TENM2: variants seen among roughly 807,000 people sequenced by gnomAD.
TENM2 encodes teneurin-2.
Under a neutral mutation model 245.2 loss-of-function variants are expected in TENM2, and 52 were observed. The ratio of observed to expected loss-of-function variants is 0.21; its 90% CI spans 0.17 to 0.27. The LOEUF (loss-of-function observed/expected upper bound fraction) is 0.27. Ranked by LOEUF, TENM2 falls within the 10% of genes least tolerant of loss-of-function variation. The pLI is 1.00. For missense variants in TENM2, 3,046 were observed against 3,666.8 expected (o/e 0.83, Z 4.37); for synonymous variants, 1,363 against 1,438.9 (o/e 0.95, Z 1.19).
chr5:167,409,397 C>T (rs1231067923), intron 2 of TENM2, among the ~76,000 whole-genome samples: 1 of 151,928 alleles, frequency 6.6e-6, no homozygotes, highest in East Asian at 1.9e-4. Flanking sequence ...GTACAAGGAA[C>T]TTTCATATCC....
chr5:168,228,868 A>G (rs1262984471), intron 25 of TENM2, among the ~76,000 whole-genome samples: 1 of 147,832 alleles, frequency 6.8e-6, no homozygotes, highest in African/African-American at 2.5e-5. Flanking sequence ...TATTATTATA[A>G]TTATTATATA....
chr5:167,390,234 A>T (rs1275321126), intron 2 of TENM2, among the ~76,000 whole-genome samples: 1 of 152,224 alleles, frequency 6.6e-6, no homozygotes, highest in South Asian at 2.1e-4. Context: ...TGTTGCACTG[A>T]CCAAAGAAGA....
chr5:167,790,874 A>G (rs1047582648), intron 2 of TENM2, among the ~76,000 whole-genome samples: 2 of 152,194 alleles, frequency 1.3e-5, no homozygotes, highest in Non-Finnish European at 2.9e-5. Context: ...TGCTTTCTAC[A>G]TTGAATACAA....
chr5:167,095,613 A>G, the TENM2 span, among the ~76,000 whole-genome samples: 1 of 152,156 alleles, frequency 6.6e-6, no homozygotes, highest in Admixed American at 6.5e-5. Flanking sequence ...TATTTTTTAA[A>G]TGAACTCACA....
intron 5 of TENM2, among the ~76,000 whole-genome samples, chr5:167,997,411 G>T (rs999026239): frequency 6.6e-6 from 1 of 152,146 alleles, no homozygotes. Flanking sequence ...ATCTTCTAAC[G>T]CAGTGGATAG....
chr5:167,347,693 T>TCTCCCTTC (rs1758552855), intron 1 of TENM2, among the ~76,000 whole-genome samples: 1 of 152,008 alleles, frequency 6.6e-6, no homozygotes, highest in Non-Finnish European at 1.5e-5. Flanking sequence ...ATCCTTTCTT[T>TCTCCCTTC]CTCCCTTCCT....
intron 2 of TENM2, among the ~76,000 whole-genome samples, chr5:167,711,317 C>T (rs977091516): frequency 2.0e-5 from 3 of 152,142 alleles, no homozygotes; most frequent in African/African-American, 4.8e-5. Flanking sequence ...TCTCATATAT[C>T]GAGTATGGGT....
intron 4 of TENM2, among the ~76,000 whole-genome samples, chr5:167,968,169 A>T (rs1327334967): frequency 6.6e-6 from 1 of 152,160 alleles, no homozygotes; most frequent in Non-Finnish European, 1.5e-5. Context: ...GGGAATGTTT[A>T]AAAAAACTTT....
chr5:167,094,813 C>T, the TENM2 span, among the ~76,000 whole-genome samples: 10 of 152,154 alleles, frequency 6.6e-5, no homozygotes, highest in Non-Finnish European at 1.5e-4. Flanking sequence ...GTGGATTTCT[C>T]AGGGGCAAGT....
intron 5 of TENM2, among the ~76,000 whole-genome samples, chr5:168,030,565 G>C (rs1446389955): frequency 6.6e-6 from 1 of 152,100 alleles, no homozygotes; most frequent in Non-Finnish European, 1.5e-5. Context: ...TGATTCTGCT[G>C]GTCTGGGAAC....
At chr5:167,134,947 T>C in the TENM2 span, among the ~76,000 whole-genome samples, 1 of 152,240 alleles carries the variant, frequency 6.6e-6, no homozygotes, top group Non-Finnish European at 1.5e-5. Flanking sequence ...AAAATTCTAT[T>C]GTTAACGATG....
At chr5:168,183,604 A>T (rs890461653) in intron 13 of TENM2, among the ~76,000 whole-genome samples, 2 of 152,096 alleles carry the variant, frequency 1.3e-5, no homozygotes, top group Non-Finnish European at 2.9e-5. Context: ...CTTCATTTCC[A>T]TCACGAACAA....
exon 28 of TENM2, chr5:168,260,350 C>G (rs778532501): frequency 1.2e-6 from 2 of 1,613,922 alleles, no homozygotes; most frequent in East Asian, 4.5e-5. Flanking sequence ...TCCCGAGAGC[C>G]AAAATGTATT....
chr5:168,109,979 C>T (rs149277715), intron 9 of TENM2, among the ~76,000 whole-genome samples: 278 of 151,386 alleles, frequency 1.8e-3, no homozygotes, highest in African/African-American at 6.5e-3. Flanking sequence ...AATCACTTCG[C>T]GGGGCTTCAG....
the TENM2 span, among the ~76,000 whole-genome samples, chr5:167,074,356 CTA>C: frequency 2.2e-3 from 333 of 152,116 alleles, no homozygotes; most frequent in African/African-American, 6.8e-3. Flanking sequence ...TTAGTGAAGA[CTA>C]TGTCTTAGGT....
intron 2 of TENM2, among the ~76,000 whole-genome samples, chr5:167,872,482 G>GA (rs1307416503): frequency 2.4e-5 from 2 of 84,862 alleles, no homozygotes; most frequent in African/African-American, 4.5e-5. Flanking sequence ...AAGAAAGAAA[G>GA]AAAAAGAAAG....
chr5:167,703,789 C>T (rs1355574769), intron 2 of TENM2, among the ~76,000 whole-genome samples: 2 of 152,146 alleles, frequency 1.3e-5, no homozygotes, highest in African/African-American at 4.8e-5. Context: ...TAGGTCTTTT[C>T]GTGTGATGTA....
At chr5:167,279,620 C>A in the TENM2 span, among the ~76,000 whole-genome samples, 20 of 147,210 alleles carry the variant, frequency 1.4e-4, no homozygotes, top group East Asian at 8.2e-4. Context: ...TTTGCAAGTT[C>A]TCTCATTCTT....
At chr5:167,273,658 A>G in the TENM2 span, among the ~76,000 whole-genome samples, 1 of 152,306 alleles carries the variant, frequency 6.6e-6, no homozygotes, top group East Asian at 1.9e-4. Flanking sequence ...TCTAGGAGCC[A>G]CCAAAGTGTT....
Sources: gnomAD v4.1 joint callset for allele counts (sites outside exome capture counted in the v4.1 genomes callset) on GRCh38, gnomAD v4.1.1 for gene constraint, MANE v1.5 for transcripts, NCBI Gene and HGNC (gene_info 2026-07-23, HGNC 2026-07-21) for gene names.